Variants in GRIA1 observed in about 807,000 individuals in gnomAD.
GRIA1 encodes the protein glutamate ionotropic receptor AMPA type subunit 1.
GRIA1 carries 31 observed loss-of-function variants against 99.2 expected under a neutral mutation model. The ratio of observed to expected loss-of-function variants is 0.31; its 90% CI spans 0.23 to 0.42. GRIA1 has a LOEUF of 0.42. GRIA1 is among the 10% of genes least tolerant of loss of function. GRIA1 has a pLI of 1.00. For synonymous variants in GRIA1, 438 were observed against 432.4 expected, an observed-to-expected ratio of 1.01 and a Z score of -0.16; for missense variants, 782 against 1,157.5, an observed-to-expected ratio of 0.68 and a Z score of 4.71.
At chr5:153,591,011 A>G (rs1763927910) in intron 2 of GRIA1, among the ~76,000 whole-genome samples, 1 of 152,222 alleles carries the variant, frequency 6.6e-6, no homozygotes, top group Non-Finnish European at 1.5e-5. Flanking sequence ...TGTTGTACTC[A>G]GTGTCAAAAG....
chr5:153,514,796 C>T (rs1756453405), intron 2 of GRIA1, among the ~76,000 whole-genome samples: 1 of 152,012 alleles, frequency 6.6e-6, no homozygotes, highest in Admixed American at 6.6e-5. Flanking sequence ...GGGCAAAAGA[C>T]TTGAATGGAC....
At chr5:153,796,010 T>A (rs904155720) in intron 14 of GRIA1, among the ~76,000 whole-genome samples, 3 of 122,504 alleles carry the variant, frequency 2.4e-5, no homozygotes, top group African/African-American at 3.3e-5. Context: ...TTTTTTTTTT[T>A]AACTTTTTTT....
At chr5:153,794,485 G>A (rs1404967489) in intron 13 of GRIA1, 136 bp from the exon 14 acceptor site, 1 of 669,954 alleles carries the variant, frequency 1.5e-6, no homozygotes, top group Non-Finnish European at 2.8e-6. Context: ...GTGATGTTGG[G>A]GGCAGGGCAT....
At chr5:153,632,750 CT>C (rs2149437513) in intron 2 of GRIA1, among the ~76,000 whole-genome samples, 1 of 152,186 alleles carries the variant, frequency 6.6e-6, no homozygotes, top group South Asian at 2.1e-4. Flanking sequence ...GGCCCTGAGA[CT>C]TTTGAAATAG....
intron 11 of GRIA1, among the ~76,000 whole-genome samples, chr5:153,758,659 C>T (rs1005004212): frequency 3.9e-5 from 6 of 151,958 alleles, no homozygotes; most frequent in East Asian, 3.9e-4. Flanking sequence ...TCCAGACAGA[C>T]GATAATCAAA....
At chr5:153,702,163 C>T (rs11749645) in intron 10 of GRIA1, among the ~76,000 whole-genome samples, 1 of 152,224 alleles carries the variant, frequency 6.6e-6, no homozygotes, top group African/African-American at 2.4e-5. Context: ...CATCCAAATG[C>T]TAGGCGGTAA....
intron 2 of GRIA1, among the ~76,000 whole-genome samples, chr5:153,505,582 T>C (rs534615726): frequency 6.6e-6 from 1 of 152,280 alleles, no homozygotes; most frequent in South Asian, 2.1e-4. Flanking sequence ...GACCTGAAAA[T>C]CTGTGAGCAT....
rs187831185 is a variant in GRIA1 at position 153,753,347 on chromosome 5, G to T, written c.1824-11087G>T. On this transcript the variant is annotated intron_variant, in intron 11 of 15. Coordinates refer to ENST00000285900, the MANE Select transcript of GRIA1 (RefSeq NM_000827.4). ...TTGGTGGTCAGACTGCTGACCAAAG[G>T]TTCCGCTGGGCTTTGAAGAAGTCAG... Among the ~76,000 whole-genome samples the T allele has an allele frequency of 6.6e-3, 1,002 of 152,306 alleles. 18 individuals carry two copies. The highest frequency in any genetic ancestry group is 0.023 in the African/African-American group (941 of 41,558).
At chr5:153,744,874 A>G (rs2149580418) in intron 11 of GRIA1, among the ~76,000 whole-genome samples, 1 of 152,360 alleles carries the variant, frequency 6.6e-6, no homozygotes, top group Non-Finnish European at 1.5e-5. Flanking sequence ...AGTGCTACCA[A>G]CAGGAAAAGT....
chr5:153,746,191 T>G (rs1356786973), intron 11 of GRIA1, among the ~76,000 whole-genome samples: 3 of 152,014 alleles, frequency 2.0e-5, no homozygotes, highest in Non-Finnish European at 2.9e-5. Context: ...TTTGAAGAAT[T>G]GGCTGGGGAG....
upstream of GRIA1, chr5:153,489,838 G>A: frequency 2.2e-6 from 1 of 456,264 alleles, no homozygotes; most frequent in Non-Finnish European, 4.4e-6. Flanking sequence ...ATTGCTCTGT[G>A]TAAGTATCCT....
At chr5:153,729,089 G>A (rs372133969) in intron 11 of GRIA1, among the ~76,000 whole-genome samples, 72 of 150,126 alleles carry the variant, frequency 4.8e-4, no homozygotes, top group African/African-American at 1.5e-3. Flanking sequence ...TTGTAGGGAC[G>A]TGGATGAAAT....
chr5:153,576,768 G>A (rs1344081001), intron 2 of GRIA1, among the ~76,000 whole-genome samples: 1 of 152,158 alleles, frequency 6.6e-6, no homozygotes, highest in African/African-American at 2.4e-5. Context: ...TCTTCTATGT[G>A]TTTTGGACTT....
At chr5:153,651,124 A>T (rs1008153340) in intron 4 of GRIA1, among the ~76,000 whole-genome samples, 1 of 152,082 alleles carries the variant, frequency 6.6e-6, no homozygotes, top group African/African-American at 2.4e-5. Flanking sequence ...TCCATTTTAG[A>T]GTTTATGAAA....
chr5:153,540,069 G>C (rs1239009301), intron 2 of GRIA1, among the ~76,000 whole-genome samples: 2 of 152,236 alleles, frequency 1.3e-5, no homozygotes, highest in Non-Finnish European at 2.9e-5. Flanking sequence ...TGAAGGTAGA[G>C]ATGGCCAAAT....
intron 11 of GRIA1, among the ~76,000 whole-genome samples, chr5:153,736,906 C>T (rs1360808743): frequency 6.6e-6 from 1 of 152,182 alleles, no homozygotes; most frequent in Non-Finnish European, 1.5e-5. Flanking sequence ...CACACACAAC[C>T]TCTTGACCAT....
At chr5:153,508,429 A>G (rs1490965056) in intron 2 of GRIA1, among the ~76,000 whole-genome samples, 1 of 152,138 alleles carries the variant, frequency 6.6e-6, no homozygotes, top group Non-Finnish European at 1.5e-5. Context: ...GCTAATCTAG[A>G]TTCTAGAATA....
At chr5:153,735,425 T>A (rs928445849) in intron 11 of GRIA1, among the ~76,000 whole-genome samples, 1 of 152,140 alleles carries the variant, frequency 6.6e-6, no homozygotes, top group Non-Finnish European at 1.5e-5. Flanking sequence ...GGGGGTCGCA[T>A]ACACCAGTAA....
chr5:153,491,013 C>G (rs1300836630), intron 1 of GRIA1, 43 bp downstream of exon 1: 1 of 1,574,806 alleles, frequency 6.3e-7, no homozygotes, highest in Non-Finnish European at 8.7e-7. Context: ...CTGGGTCTGG[C>G]CAGGGATTTT....
Sources: allele counts gnomAD v4.1 joint callset (sites outside exome capture counted in the v4.1 genomes callset), GRCh38; gene constraint gnomAD v4.1.1; transcripts MANE v1.5; gene names NCBI Gene and HGNC (gene_info 2026-07-23, HGNC 2026-07-21).